The following NRG3 variants were observed in gnomAD, a reference collection of about 807,000 sequenced individuals.
NRG3 encodes the protein neuregulin 3, also known as pro-neuregulin-3, membrane-bound isoform.
Under a neutral mutation model 66.9 loss-of-function variants are expected in NRG3, and 31 were observed. The ratio of observed to expected loss-of-function variants is 0.46; its 90% CI spans 0.35 to 0.63. The LOEUF (loss-of-function observed/expected upper bound fraction) is 0.63, where lower values mean the gene tolerates loss of function less well. Ranked by LOEUF, NRG3 falls within the 20% of genes least tolerant of loss-of-function variation. The pLI is 0.00. For synonymous variants in NRG3, 393 were observed against 359.4 expected, an observed-to-expected ratio of 1.09 and a Z score of -1.06; for missense variants, 910 against 878.9, an observed-to-expected ratio of 1.04 and a Z score of -0.45.
At chr10:82,150,659 C>T (rs1030520641) in intron 1 of NRG3, among the ~76,000 whole-genome samples, 6 of 151,644 alleles carry the variant, frequency 4.0e-5, no homozygotes, top group African/African-American at 4.8e-5. Flanking sequence ...CAAGAACGGA[C>T]ACCACAAACT....
At chr10:82,783,480 C>G (rs372530178) in intron 3 of NRG3, among the ~76,000 whole-genome samples, 18,838 of 151,562 alleles carry the variant, frequency 0.12, 1,400 homozygotes, top group African/African-American at 0.21. Context: ...CCCAAAATCT[C>G]CTTAAGCTGA....
intron 2 of NRG3, among the ~76,000 whole-genome samples, chr10:82,412,782 T>G (rs1443550840): frequency 2.0e-5 from 3 of 152,204 alleles, no homozygotes; most frequent in Non-Finnish European, 4.4e-5. Context: ...AATCCTGTGT[T>G]GTCACTTCAA....
At chr10:82,716,302 TAC>T (rs1183814316) in intron 2 of NRG3, among the ~76,000 whole-genome samples, 1 of 152,204 alleles carries the variant, frequency 6.6e-6, no homozygotes, top group East Asian at 1.9e-4. Flanking sequence ...ACGTATAACA[TAC>T]ACATATCTCA....
At chr10:82,351,721 C>A (rs771755864) in intron 1 of NRG3, among the ~76,000 whole-genome samples, 1 of 152,168 alleles carries the variant, frequency 6.6e-6, no homozygotes, top group Non-Finnish European at 1.5e-5. Flanking sequence ...TAATCCAGAT[C>A]ATAATATTTC....
In NRG3 at chr10:82,419,084, G is replaced by A. The variant is rs1191651822; in HGVS notation, c.953+60216G>A. On this transcript the variant is annotated intron_variant, in intron 2 of 8. Coordinates refer to ENST00000372141, the MANE Select transcript of NRG3 (RefSeq NM_001010848.4). ...ACAGGGATAAACCAAGAGCGCTACT[G>A]ATGTTTATAAGGAAATACAAGCATT... Among the ~76,000 whole-genome samples the A allele has an allele frequency of 2.6e-5, 4 of 152,110 alleles. No homozygotes were observed. The South Asian group carries it at 6.2e-4, about 24-fold the overall frequency.
chr10:81,936,725 G>A (rs181401762), intron 1 of NRG3, among the ~76,000 whole-genome samples: 3 of 152,234 alleles, frequency 2.0e-5, no homozygotes, highest in Admixed American at 2.0e-4. Context: ...TATGGGCCTT[G>A]CTGTCATGGT....
chr10:81,949,973 C>G (rs1174252549), intron 1 of NRG3, among the ~76,000 whole-genome samples: 1 of 152,150 alleles, frequency 6.6e-6, no homozygotes, highest in Non-Finnish European at 1.5e-5. Context: ...GCACTGAAGG[C>G]CACATCTCTA....
chr10:82,316,860 A>G (rs915368805), intron 1 of NRG3, among the ~76,000 whole-genome samples: 1 of 152,128 alleles, frequency 6.6e-6, no homozygotes, highest in African/African-American at 2.4e-5. Flanking sequence ...GGAGCAAGAG[A>G]ATCTTGGCAG....
At chr10:82,467,379 C>G (rs889725383) in intron 2 of NRG3, among the ~76,000 whole-genome samples, 1 of 152,218 alleles carries the variant, frequency 6.6e-6, no homozygotes, top group Non-Finnish European at 1.5e-5. Flanking sequence ...ATCTCTTCCA[C>G]GCTGCCAAAC....
chr10:82,204,535 T>G (rs2075018319), intron 1 of NRG3, among the ~76,000 whole-genome samples: 1 of 152,188 alleles, frequency 6.6e-6, no homozygotes, highest in Non-Finnish European at 1.5e-5. Flanking sequence ...ATGTTCCTAT[T>G]AAAAGGAAAT....
intron 2 of NRG3, among the ~76,000 whole-genome samples, chr10:82,528,993 A>T (rs527921410): frequency 6.6e-6 from 1 of 152,312 alleles, no homozygotes; most frequent in East Asian, 1.9e-4. Flanking sequence ...ATTAATAACC[A>T]TGACATTTAA....
intron 1 of NRG3, among the ~76,000 whole-genome samples, chr10:82,350,109 G>A (rs1038986525): frequency 6.6e-6 from 1 of 151,978 alleles, no homozygotes; most frequent in Non-Finnish European, 1.5e-5. Context: ...TTTTTACACG[G>A]AACCCACGAA....
chr10:82,343,745 G>T lies in NRG3; in HGVS notation c.824-14994G>T, dbSNP rs183448755. The stretch of plus-strand genomic sequence containing the variant: ...AATTACAATAATTTTATTCTATATG[G>T]TAACTAACCACTGCTCAAATCCCCC... On this transcript the variant is annotated intron_variant, in intron 1 of 8. Transcript: ENST00000372141. Among the ~76,000 whole-genome samples, 571 of 152,058 alleles carry T rather than the reference G, an allele frequency of 3.8e-3. 3 individuals carry two copies. Among genetic ancestry groups the T allele is most frequent in the Non-Finnish European group, 6.6e-3 (448 of 67,976 alleles).
intron 2 of NRG3, among the ~76,000 whole-genome samples, chr10:82,606,130 T>C (rs2047946791): frequency 6.6e-6 from 1 of 152,132 alleles, no homozygotes; most frequent in African/African-American, 2.4e-5. Context: ...GACTATTGGT[T>C]TTAGATTTCC....
chr10:81,918,038 C>T (rs1845874880), intron 1 of NRG3, among the ~76,000 whole-genome samples: 1 of 152,120 alleles, frequency 6.6e-6, no homozygotes, highest in Non-Finnish European at 1.5e-5. Context: ...AATCCATATG[C>T]CATGCTCAGA....
At chr10:82,941,947 A>G (rs1437841844) in intron 4 of NRG3, among the ~76,000 whole-genome samples, 2 of 151,962 alleles carry the variant, frequency 1.3e-5, no homozygotes, top group East Asian at 1.9e-4. Context: ...TATCTTGAGT[A>G]TGCGGGTTTC....
chr10:82,687,030 C>T (rs1374787046), intron 2 of NRG3, among the ~76,000 whole-genome samples: 1 of 152,188 alleles, frequency 6.6e-6, no homozygotes, highest in Non-Finnish European at 1.5e-5. Flanking sequence ...ATAAAATCAA[C>T]TCAGCATTCC....
intron 2 of NRG3, among the ~76,000 whole-genome samples, chr10:82,735,705 T>G (rs1206410835): frequency 6.6e-6 from 1 of 150,988 alleles, no homozygotes; most frequent in Non-Finnish European, 1.5e-5. Context: ...AGTTGAACAA[T>G]GAAAGCACAT....
chr10:82,217,637 A>G (rs1195889414), intron 1 of NRG3, among the ~76,000 whole-genome samples: 2 of 152,190 alleles, frequency 1.3e-5, no homozygotes, highest in African/African-American at 4.8e-5. Context: ...ATGTAAAGTT[A>G]TTTCTGCAAT....
Sources: gnomAD v4.1 joint callset for allele counts (sites outside exome capture counted in the v4.1 genomes callset) on GRCh38, gnomAD v4.1.1 for gene constraint, MANE v1.5 for transcripts, NCBI Gene and HGNC (gene_info 2026-07-23, HGNC 2026-07-21) for gene names.